Variants in MAP4K5 observed in about 807,000 individuals in gnomAD.
MAP4K5 encodes mitogen-activated protein kinase kinase kinase kinase 5.
In MAP4K5, 82 loss-of-function variants were observed where a neutral mutation model predicts 135.6. The ratio of observed to expected loss-of-function variants is 0.60; its 90% confidence interval spans 0.51 to 0.73. The LOEUF is 0.73. Ranked by LOEUF, MAP4K5 falls within the 30% of genes least tolerant of loss-of-function variation. The probability of loss-of-function intolerance (pLI) is 0.00; values close to 1 mark genes in which losing one functional copy is unlikely to be tolerated. For missense variants in MAP4K5, 907 were observed against 1,010.9 expected (o/e 0.90, Z 1.39); for synonymous variants, 347 against 335.0 (o/e 1.04, Z -0.39).
In MAP4K5 at chr14:50,437,928, G is replaced by A; in HGVS notation, c.1789C>T (p.Gln597Ter). The A allele has an allele frequency of 1.9e-6, 3 of 1,611,636 alleles. No individual in the cohort carries two copies. The highest frequency in any genetic ancestry group is 2.5e-6 in the Non-Finnish European group (3 of 1,178,074). Residue 597 changes from glutamine (Q) to a stop codon, truncating the protein, a stop_gained, in exon 25 of 33, where the codon CAA becomes TAA. Coordinates refer to ENST00000682126, the MANE Select transcript of MAP4K5 (RefSeq NM_006575.6). LOFTEE classifies it high-confidence loss of function. The part of the protein sequence containing the change: ...AKKPGLAAHI[Q>*]THRFPDRILP... ...ATTCGGTCTGGAAACCTGTGAGTTTGAATATGGGCAGCTAATCCTGGTTTT... is the reference window on the plus strand; with the variant it reads ...ATTCGGTCTGGAAACCTGTGAGTTTAAATATGGGCAGCTAATCCTGGTTTT...
At chr14:50,466,374 C>A (rs961101806) in intron 11 of MAP4K5, among the ~76,000 whole-genome samples, 4 of 135,430 alleles carry the variant, frequency 3.0e-5, no homozygotes, top group African/African-American at 1.1e-4. Flanking sequence ...ACAGCAAAAT[C>A]CTGTCTCAAA....
intron 18 of MAP4K5, 30 bp downstream of exon 18, chr14:50,445,011 C>A: frequency 3.1e-6 from 5 of 1,600,348 alleles, no homozygotes; most frequent in Non-Finnish European, 4.3e-6. Flanking sequence ...GCCATATGTA[C>A]CCCATGGCTG....
At chr14:50,433,008 T>G (rs2036008678) in intron 28 of MAP4K5, among the ~76,000 whole-genome samples, 2 of 152,230 alleles carry the variant, frequency 1.3e-5, no homozygotes, top group South Asian at 4.1e-4. Context: ...CGGCTAAGTT[T>G]GTATTTTTAG....
upstream of MAP4K5, chr14:50,533,339 T>C (rs1048084038): frequency 2.0e-5 from 3 of 152,158 alleles, no homozygotes; most frequent in Non-Finnish European, 4.4e-5. Context: ...TGGCAACATC[T>C]CGGTGTCCTT....
At chr14:50,505,722 G>A (rs566094151) in intron 2 of MAP4K5, among the ~76,000 whole-genome samples, 2 of 152,242 alleles carry the variant, frequency 1.3e-5, no homozygotes, top group Admixed American at 6.5e-5. Flanking sequence ...TACTGTCATC[G>A]ACCTTGGATG....
rs143516053 is a variant in MAP4K5, at chr14:50,480,028, T to C, written c.378+2333A>G. Among the ~76,000 whole-genome samples, 506 of 152,310 alleles carry C rather than the reference T, an allele frequency of 3.3e-3. 1 individual carries two copies. Among genetic ancestry groups the C allele is most frequent in the African/African-American group, 0.012 (488 of 41,570 alleles). On this transcript the variant is annotated intron_variant, in intron 6 of 32. Coordinates refer to ENST00000682126, the MANE Select transcript of MAP4K5 (RefSeq NM_006575.6). Reference sequence around the variant, plus strand: ...CATATATTTTGCCTACTTTATTTGATTGTTTTGGGTAGCATGGTAAATCTA... The same window carrying C: ...CATATATTTTGCCTACTTTATTTGACTGTTTTGGGTAGCATGGTAAATCTA...
intron 13 of MAP4K5, among the ~76,000 whole-genome samples, chr14:50,457,188 G>C (rs1304971226): frequency 3.3e-5 from 5 of 152,124 alleles, no homozygotes; most frequent in African/African-American, 1.2e-4. Context: ...AGACCATGAG[G>C]GTGAGCCCAA....
intron 1 of MAP4K5, among the ~76,000 whole-genome samples, chr14:50,554,543 A>G (rs1196780339): frequency 6.6e-6 from 1 of 152,180 alleles, no homozygotes; most frequent in Non-Finnish European, 1.5e-5. Context: ...GTGTACATCC[A>G]CTGCTTGAAT....
At chr14:50,523,396 T>C (rs1284424446) in intron 2 of MAP4K5, among the ~76,000 whole-genome samples, 3 of 151,566 alleles carry the variant, frequency 2.0e-5, no homozygotes, top group African/African-American at 7.2e-5. Context: ...GCCATGCTTG[T>C]GTCTTAGATA....
intron 2 of MAP4K5, among the ~76,000 whole-genome samples, chr14:50,531,452 A>C (rs1017244749): frequency 6.6e-6 from 1 of 152,230 alleles, no homozygotes; most frequent in African/African-American, 2.4e-5. Context: ...GCTTGCATAA[A>C]TGTCACCAAT....
At chr14:50,448,517 T>C (rs2036409446) in intron 15 of MAP4K5, among the ~76,000 whole-genome samples, 4 of 151,596 alleles carry the variant, frequency 2.6e-5, no homozygotes, top group African/African-American at 7.3e-5. Flanking sequence ...AATCAAATTC[T>C]GCGTATTTAA....
chr14:50,473,319 G>A (rs2037009390), intron 9 of MAP4K5, among the ~76,000 whole-genome samples: 1 of 151,812 alleles, frequency 6.6e-6, no homozygotes, highest in African/African-American at 2.4e-5. Flanking sequence ...TATGGAAAAA[G>A]TATTCTCTTT....
At chr14:50,559,278 A>G (rs2038803290) in intron 1 of MAP4K5, 1 of 152,270 alleles carries the variant, frequency 6.6e-6, no homozygotes. Flanking sequence ...TGTGAGTAAC[A>G]ACCAAATGGC....
intron 23 of MAP4K5, among the ~76,000 whole-genome samples, chr14:50,439,537 T>C (rs2036177022): frequency 6.6e-6 from 1 of 152,162 alleles, no homozygotes; most frequent in Non-Finnish European, 1.5e-5. Flanking sequence ...CTAAGCACTC[T>C]GGATATTATC....
At chr14:50,466,484 G>GTCTATGGAC in intron 11 of MAP4K5, 99 bp downstream of exon 11, 1 of 485,382 alleles carries the variant, frequency 2.1e-6, no homozygotes, top group Non-Finnish European at 3.8e-6. Flanking sequence ...ACTGCTTAAT[G>GTCTATGGAC]TCTATGGACT....
At chr14:50,548,806 G>A (rs957263559) in intron 1 of MAP4K5, among the ~76,000 whole-genome samples, 3 of 152,026 alleles carry the variant, frequency 2.0e-5, no homozygotes, top group Admixed American at 6.6e-5. Flanking sequence ...CACTGCACCC[G>A]GCCTGGTCTC....
chr14:50,485,894 A>C (rs2037352697), intron 4 of MAP4K5: 1 of 534,420 alleles, frequency 1.9e-6, no homozygotes, highest in Admixed American at 3.9e-5. Flanking sequence ...TTTCATTAAA[A>C]TTGCCAGATG....
intron 13 of MAP4K5, among the ~76,000 whole-genome samples, chr14:50,457,007 T>C (rs1270419527): frequency 6.6e-6 from 1 of 152,196 alleles, no homozygotes; most frequent in African/African-American, 2.4e-5. Flanking sequence ...GAAGTACCAG[T>C]ATGTACTGAA....
At chr14:50,432,303 G>A (rs560066493) in intron 28 of MAP4K5, among the ~76,000 whole-genome samples, 6 of 152,208 alleles carry the variant, frequency 3.9e-5, no homozygotes, top group Non-Finnish European at 7.4e-5. Context: ...TGTAAAAATG[G>A]GGAAACCTAA....
Sources: allele counts gnomAD v4.1 joint callset (sites outside exome capture counted in the v4.1 genomes callset), GRCh38; gene constraint gnomAD v4.1.1; transcripts MANE v1.5; gene names NCBI Gene and HGNC (gene_info 2026-07-23, HGNC 2026-07-21).